Variants in DNAH11 observed in about 807,000 individuals in gnomAD.
DNAH11 encodes dynein axonemal heavy chain 11, also known as axonemal beta dynein heavy chain 11.
DNAH11 carries 442 observed loss-of-function variants against 526.0 expected under a neutral mutation model. That is an observed-to-expected ratio of 0.84 (90% CI 0.78 to 0.91). The LOEUF (loss-of-function observed/expected upper bound fraction) is 0.91, where lower values mean the gene tolerates loss of function less well. Ranked by LOEUF, DNAH11 falls within the 40% of genes least tolerant of loss-of-function variation. DNAH11 has a pLI of 0.00. For missense variants in DNAH11, 6,989 were observed against 5,448.7 expected (o/e 1.28, Z -8.90); for synonymous variants, 2,461 against 1,935.9 (o/e 1.27, Z -7.12).
intron 8 of DNAH11, among the ~76,000 whole-genome samples, chr7:21,580,544 A>G (rs1490487795): frequency 6.6e-6 from 1 of 152,214 alleles, no homozygotes; most frequent in Non-Finnish European, 1.5e-5. Context: ...AACAACAGAA[A>G]TTTATTTTTC....
intron 74 of DNAH11, among the ~76,000 whole-genome samples, chr7:21,876,139 A>G (rs1182325381): frequency 6.6e-6 from 1 of 152,022 alleles, no homozygotes; most frequent in South Asian, 2.1e-4. Context: ...CCGCCTCGGC[A>G]TCCGAAGTGC....
In DNAH11 at chr7:21,668,507, A is replaced by G. The variant is rs117097274; in HGVS notation, c.5328+9476A>G. On this transcript the variant is annotated intron_variant, in intron 30 of 81. Coordinates refer to ENST00000409508, the MANE Select transcript of DNAH11 (RefSeq NM_001277115.2). ...CTAATGTTCTAATATTACTCATGGT[A>G]TTGCTGTAATAAACTGTCCTTTATC... Among the ~76,000 whole-genome samples the G allele has an allele frequency of 8.7e-3, 1,324 of 152,222 alleles. 48 individuals are homozygous for G. In the South Asian group the frequency reaches 0.089, roughly 10 times the overall value.
intron 65 of DNAH11, among the ~76,000 whole-genome samples, 177 bp downstream of exon 65, chr7:21,818,516 A>G (rs1010643198): frequency 1.3e-5 from 2 of 152,120 alleles, no homozygotes; most frequent in East Asian, 1.9e-4. Context: ...CTTTCAGACT[A>G]TTTATTTGAT....
In DNAH11 at chr7:21,601,486, C is replaced by G. The variant is rs1205514679; in HGVS notation, c.3516C>G (p.Ile1172Met). 6.2e-7 allele frequency: 1 copy of G among 1,613,712 alleles called. No homozygotes were observed. Among genetic ancestry groups the G allele is most frequent in the Non-Finnish European group, 8.5e-7 (1 of 1,179,812 alleles). ...NEGDHDGLVD[I>M]MVHLLAVRSR... is the part of the protein sequence containing the mutation. Reference sequence around the variant, plus strand: ...GTGATCATGATGGTTTAGTTGACATCATGGTGCATCTTCTGGCTGTAAGAA... The same window carrying G: ...GTGATCATGATGGTTTAGTTGACATGATGGTGCATCTTCTGGCTGTAAGAA... Residue 1172 changes from isoleucine (I) to methionine (M), a missense_variant, in exon 18 of 82, where the codon ATC (isoleucine) becomes ATG (methionine). Ile to Met is a conservative substitution (Grantham distance 10). Coordinates refer to ENST00000409508, the MANE Select transcript of DNAH11 (RefSeq NM_001277115.2).
chr7:21,763,187 C>T (rs890842977), intron 54 of DNAH11, among the ~76,000 whole-genome samples: 1 of 151,504 alleles, frequency 6.6e-6, no homozygotes, highest in African/African-American at 2.4e-5. Flanking sequence ...ACTAAAAATA[C>T]AAAAATTAGC....
chr7:21,851,765 T>A (rs935520125), intron 66 of DNAH11: 5 of 431,798 alleles, frequency 1.2e-5, no homozygotes, highest in African/African-American at 1.0e-4. Flanking sequence ...GTTTTTAGGA[T>A]GGCAATTTGT....
rs140879714 is a variant in DNAH11, at chr7:21,642,417, C to T, written c.4944+3352C>T. 5.8e-3 allele frequency among the ~76,000 whole-genome samples: 879 copies of T among 152,216 alleles called. 10 individuals are homozygous for T. The highest frequency in any genetic ancestry group is 0.019 in the African/African-American group (795 of 41,538). The stretch of plus-strand genomic sequence containing the variant: ...AACATGCATTCTGAATTCTTGCTCA[C>T]TAACTATGGAATAATTAATGCTACA... On this transcript the variant is annotated intron_variant, in intron 28 of 81. Coordinates refer to ENST00000409508, the MANE Select transcript of DNAH11 (RefSeq NM_001277115.2).
At chr7:21,583,041 C>T (rs1398111769) in intron 9 of DNAH11, among the ~76,000 whole-genome samples, 2 of 152,058 alleles carry the variant, frequency 1.3e-5, no homozygotes, top group Non-Finnish European at 2.9e-5. Flanking sequence ...AATGCTATCC[C>T]CATCAAGCTA....
chr7:21,804,807 T>G (rs7806218), intron 62 of DNAH11, among the ~76,000 whole-genome samples: 1 of 152,184 alleles, frequency 6.6e-6, no homozygotes, highest in Non-Finnish European at 1.5e-5. Context: ...GGTGATATTT[T>G]ACAAACTTAA....
intron 11 of DNAH11, 70 bp from the exon 12 acceptor site, chr7:21,589,138 A>G (rs1426176639): frequency 1.8e-6 from 2 of 1,134,958 alleles, no homozygotes; most frequent in African/African-American, 3.2e-5. Flanking sequence ...ATATTGTATT[A>G]CTATACAATT....
chr7:21,797,907 G>C (rs1448110930), intron 61 of DNAH11, among the ~76,000 whole-genome samples: 1 of 152,204 alleles, frequency 6.6e-6, no homozygotes, highest in Non-Finnish European at 1.5e-5. Flanking sequence ...AACTTACCAT[G>C]TGCTTGCTGA....
At position 21,749,855 on chromosome 7, in the gene DNAH11, T is replaced by C. The variant is rs1432815620; in HGVS notation, c.8797+54T>C. ...ATCTTCCCCAATGACAAATTATCTG[T>C]AGTTTCAGTGAACTTTAAAGAGAGA... On this transcript the variant is annotated intron_variant, in intron 53 of 81. Coordinates refer to ENST00000409508, the MANE Select transcript of DNAH11 (RefSeq NM_001277115.2). 3 of 1,606,666 alleles carry C rather than the reference T, an allele frequency of 1.9e-6. No individual in the cohort carries two copies. The East Asian group carries it at 6.7e-5, about 36-fold the overall frequency.
At chr7:21,731,554 A>G (rs551407417) in intron 45 of DNAH11, among the ~76,000 whole-genome samples, 6 of 152,344 alleles carry the variant, frequency 3.9e-5, no homozygotes, top group Admixed American at 6.5e-5. Context: ...AATAATCTCT[A>G]TTTTCTGAAA....
At chr7:21,770,467 G>T (rs1244497773) in intron 55 of DNAH11, among the ~76,000 whole-genome samples, 1 of 152,144 alleles carries the variant, frequency 6.6e-6, no homozygotes, top group African/African-American at 2.4e-5. Flanking sequence ...GAGCATTTCA[G>T]ATTTTCAATT....
In DNAH11 at chr7:21,739,639, T is replaced by A; in HGVS notation, c.7880T>A (p.Met2627Lys). 6.2e-7 allele frequency: 1 copy of A among 1,612,838 alleles called. No homozygotes were observed. ...NCQYVACMNP[M>K]VGSFTINPRL... Reference sequence around the variant, plus strand: ...CAGTATGTCGCCTGCATGAATCCGATGGTGGGCAGCTTCACCATCAATCCC... The same window carrying A: ...CAGTATGTCGCCTGCATGAATCCGAAGGTGGGCAGCTTCACCATCAATCCC... The change falls in exon 48 of 82, where the codon ATG (methionine) becomes AAG (lysine). Residue 2627 changes from methionine to lysine, a missense_variant. By Grantham distance (95) the Met-to-Lys change is moderately conservative. Coordinates refer to ENST00000409508, the MANE Select transcript of DNAH11 (RefSeq NM_001277115.2).
rs558630959 is a variant in DNAH11, at chr7:21,735,928, C to G, written c.7645+84C>G. The stretch of plus-strand genomic sequence containing the variant: ...ATGCAGCCCAAAAGACTAATAATGC[C>G]TTTCCCTAGAATTTAGAGTTGTTGC... On this transcript the variant is annotated intron_variant, in intron 46 of 81. Coordinates refer to ENST00000409508, the MANE Select transcript of DNAH11 (RefSeq NM_001277115.2). The G allele has an allele frequency of 7.3e-5, 92 of 1,265,616 alleles. 1 individual carries two copies. Among genetic ancestry groups the G allele is most frequent in the South Asian group, 5.1e-4 (30 of 59,284 alleles). 78.4% of individuals were successfully genotyped at this position (1,265,616 alleles called of 1,614,324 possible).
intron 18 of DNAH11, among the ~76,000 whole-genome samples, chr7:21,602,709 C>A (rs549380686): frequency 2.0e-4 from 30 of 152,184 alleles, no homozygotes; most frequent in African/African-American, 6.5e-4. Flanking sequence ...AGAACTCAAA[C>A]TTAGATTTGT....
intron 49 of DNAH11, among the ~76,000 whole-genome samples, chr7:21,743,166 G>A (rs1785990951): frequency 6.6e-6 from 1 of 152,380 alleles, no homozygotes; most frequent in African/African-American, 2.4e-5. Context: ...TGACTTGGCA[G>A]TGGAAGCAAA....
At chr7:21,859,089 A>G (rs183474976) in intron 68 of DNAH11, among the ~76,000 whole-genome samples, 1 of 152,256 alleles carries the variant, frequency 6.6e-6, no homozygotes, top group Admixed American at 6.5e-5. Flanking sequence ...TAAGGTGTCT[A>G]TGAAACATAC....
Sources: gnomAD v4.1 joint callset for allele counts (sites outside exome capture counted in the v4.1 genomes callset) on GRCh38, gnomAD v4.1.1 for gene constraint, MANE v1.5 for transcripts, NCBI Gene and HGNC (gene_info 2026-07-23, HGNC 2026-07-21) for gene names.